OSBPL6: variants seen among roughly 807,000 people sequenced by gnomAD.
OSBPL6 encodes the protein oxysterol binding protein like 6, also known as oxysterol-binding protein-related protein 6.
OSBPL6 carries 49 observed loss-of-function variants against 125.8 expected under a neutral mutation model. The observed-to-expected ratio is 0.39, with a 90% CI of 0.31 to 0.49. OSBPL6 has a LOEUF of 0.49. Ranked by LOEUF, OSBPL6 falls within the 20% of genes least tolerant of loss-of-function variation. The pLI, the probability that OSBPL6 is intolerant of heterozygous loss-of-function variation, is 0.88. For synonymous variants in OSBPL6, 394 were observed against 391.8 expected (o/e 1.01, Z -0.07); for missense variants, 986 against 1,135.4 (o/e 0.87, Z 1.89).
intron 18 of OSBPL6, among the ~76,000 whole-genome samples, chr2:178,385,173 G>A (rs892452607): frequency 5.3e-5 from 8 of 152,092 alleles, no homozygotes; most frequent in South Asian, 2.1e-4. Flanking sequence ...ACCATGGCAC[G>A]TGTATACCTG....
Position 178,253,900 on chromosome 2 carries a change from G to A in OSBPL6, c.-350-31027G>A, listed in dbSNP as rs958276703. On this transcript the variant is annotated intron_variant, in intron 1 of 24. Coordinates refer to ENST00000190611, the MANE Select transcript of OSBPL6 (RefSeq NM_032523.4). ...ATGAGAGCTCTGCCCTCCTGAGTGG[G>A]TTAATGGATTAATGTGTTATCATGG... 2.0e-5 allele frequency among the ~76,000 whole-genome samples: 3 copies of A among 152,146 alleles called. No homozygotes were observed. The East Asian group carries it at 5.8e-4, about 29-fold the overall frequency.
intron 1 of OSBPL6, among the ~76,000 whole-genome samples, chr2:178,218,588 T>C (rs1297304188): frequency 6.6e-6 from 1 of 151,786 alleles, no homozygotes; most frequent in Admixed American, 6.6e-5. Flanking sequence ...CTTCCTCTTT[T>C]ACTGACTTTT....
intron 23 of OSBPL6, 97 bp downstream of exon 23, chr2:178,392,635 C>T (rs1695506832): frequency 3.5e-6 from 5 of 1,447,886 alleles, no homozygotes; most frequent in Admixed American, 4.5e-5. Context: ...GAGGGAAGAT[C>T]ACTTGAGGTC....
intron 13 of OSBPL6, 74 bp downstream of exon 13, chr2:178,361,889 G>A (rs1490144009): frequency 8.9e-6 from 14 of 1,567,782 alleles, no homozygotes; most frequent in Non-Finnish European, 1.2e-5. Context: ...AAAAGATGGG[G>A]GGCTGGCAGG....
intron 1 of OSBPL6, among the ~76,000 whole-genome samples, chr2:178,259,590 T>C (rs2091993038): frequency 6.6e-6 from 1 of 152,106 alleles, no homozygotes; most frequent in African/African-American, 2.4e-5. Flanking sequence ...CTATTTTAGG[T>C]TGGAGGAAGA....
intron 18 of OSBPL6, 25 bp from the exon 19 acceptor site, chr2:178,385,433 C>T: frequency 7.1e-6 from 11 of 1,551,468 alleles, no homozygotes; most frequent in Non-Finnish European, 9.7e-6. Flanking sequence ...ACTGATACTG[C>T]CTTTTTTTTG....
intron 9 of OSBPL6, among the ~76,000 whole-genome samples, chr2:178,338,013 C>G (rs1165679446): frequency 6.8e-6 from 1 of 146,300 alleles, no homozygotes; most frequent in African/African-American, 2.5e-5. Context: ...GCTATCTCTG[C>G]TCACTGCAAC....
intron 1 of OSBPL6, among the ~76,000 whole-genome samples, chr2:178,256,392 C>T (rs1023434433): frequency 6.6e-6 from 1 of 152,162 alleles, no homozygotes; most frequent in African/African-American, 2.4e-5. Context: ...TTTGCTATGG[C>T]GTTGTGTAGT....
At chr2:178,212,181 A>G (rs2089891934) in intron 1 of OSBPL6, among the ~76,000 whole-genome samples, 1 of 152,136 alleles carries the variant, frequency 6.6e-6, no homozygotes. Context: ...AGCACACTGT[A>G]GAGGTTTCCC....
At chr2:178,247,304 C>T (rs1410918023) in intron 1 of OSBPL6, among the ~76,000 whole-genome samples, 1 of 151,946 alleles carries the variant, frequency 6.6e-6, no homozygotes, top group Non-Finnish European at 1.5e-5. Flanking sequence ...ATTTCTGATT[C>T]TAGGTGGTTT....
intron 1 of OSBPL6, among the ~76,000 whole-genome samples, chr2:178,205,025 C>A (rs2089458743): frequency 6.6e-6 from 1 of 152,132 alleles, no homozygotes; most frequent in South Asian, 2.1e-4. Context: ...CACCGTGAGC[C>A]CCAGCCTTTC....
intron 1 of OSBPL6, among the ~76,000 whole-genome samples, chr2:178,214,720 A>T (rs1185151508): frequency 6.6e-6 from 1 of 152,212 alleles, no homozygotes; most frequent in Admixed American, 6.5e-5. Flanking sequence ...CTGAGACAGG[A>T]GGATCACTTG....
At chr2:178,307,249 A>G (rs1365657060) in intron 3 of OSBPL6, among the ~76,000 whole-genome samples, 1 of 152,178 alleles carries the variant, frequency 6.6e-6, no homozygotes, top group African/African-American at 2.4e-5. Context: ...GTCTTGAGAC[A>G]GCCACTTCCA....
intron 1 of OSBPL6, among the ~76,000 whole-genome samples, chr2:178,283,697 G>A (rs1159508356): frequency 1.3e-5 from 2 of 152,180 alleles, no homozygotes; most frequent in Non-Finnish European, 2.9e-5. Context: ...TTGGCTCATG[G>A]TTCTGCAGGC....
intron 7 of OSBPL6, 35 bp downstream of exon 7, chr2:178,332,789 T>G: frequency 6.2e-7 from 1 of 1,611,104 alleles, no homozygotes; most frequent in South Asian, 1.1e-5. Flanking sequence ...TCTGCCATTA[T>G]CAGGGGAAAC....
At chr2:178,268,455 A>G (rs912388446) in intron 1 of OSBPL6, among the ~76,000 whole-genome samples, 1 of 152,114 alleles carries the variant, frequency 6.6e-6, no homozygotes. Context: ...ATTATTTTTT[A>G]TATCTATATG....
At chr2:178,329,267 C>A (rs545808308) in intron 5 of OSBPL6, among the ~76,000 whole-genome samples, 5 of 152,318 alleles carry the variant, frequency 3.3e-5, no homozygotes, top group African/African-American at 1.2e-4. Context: ...TTCCTCCCAA[C>A]ATCCTTGTCC....
intron 4 of OSBPL6, among the ~76,000 whole-genome samples, chr2:178,326,045 A>G (rs61693478): frequency 0.032 from 4,803 of 151,966 alleles, 240 homozygotes; most frequent in African/African-American, 0.11. Flanking sequence ...AGGTACCATC[A>G]CATCTCACCA....
In OSBPL6 at chr2:178,361,782, G is replaced by A. The variant is rs747787743; in HGVS notation, c.1254G>A (p.Thr418=). The A allele has an allele frequency of 6.8e-6, 11 of 1,614,012 alleles. No individual in the cohort carries two copies. Among genetic ancestry groups the A allele is most frequent in the African/African-American group, 1.3e-5 (1 of 74,924 alleles). Residue 418 remains threonine, a synonymous_variant, in exon 13 of 25, where the codon ACG becomes ACA. Transcript: ENST00000190611. ...AGGATCACAGTAAAGGCCACAGCAC[G>A]CAGATGGCACGGCTCCGACAGTCAC... ...SEQDHSKGHS[T]QMARLRQSLS... is the part of the protein sequence containing the mutation.
Sources: allele counts gnomAD v4.1 joint callset (sites outside exome capture counted in the v4.1 genomes callset), GRCh38; gene constraint gnomAD v4.1.1; transcripts MANE v1.5; gene names NCBI Gene and HGNC (gene_info 2026-07-23, HGNC 2026-07-21).